The following ARHGAP28 variants were observed in gnomAD, a reference collection of about 807,000 sequenced individuals.
ARHGAP28 encodes rho GTPase-activating protein 28.
A neutral mutation model predicts 90.7 loss-of-function variants in ARHGAP28; 56 were observed. That is an observed-to-expected ratio of 0.62 (90% CI 0.50 to 0.77). ARHGAP28 has a LOEUF of 0.77. ARHGAP28 is among the 30% of genes least tolerant of loss of function. The probability of loss-of-function intolerance (pLI) is 0.00; values close to 1 mark genes in which losing one functional copy is unlikely to be tolerated. For synonymous variants in ARHGAP28, 308 were observed against 323.3 expected (o/e 0.95, Z 0.51); for missense variants, 869 against 900.9 (o/e 0.96, Z 0.45).
In ARHGAP28 at chr18:6,756,957, G is replaced by T. The variant is rs143483862; in HGVS notation, c.122+27014G>T. Among the ~76,000 whole-genome samples, 6 of 152,244 alleles carry T rather than the reference G, an allele frequency of 3.9e-5. No individual in the cohort carries two copies. In the East Asian group the frequency reaches 1.2e-3, roughly 29 times the overall value. On this transcript the variant is annotated intron_variant, in intron 1 of 17. Coordinates refer to ENST00000383472, the MANE Select transcript of ARHGAP28 (RefSeq NM_001366230.1). ...TGGATGGTGCCCACCCACGTTGAGG[G>T]TGGGTCTGCCTCTTTCAGTCCACTG...
At chr18:6,736,124 C>T (rs1042967445) in intron 1 of ARHGAP28, among the ~76,000 whole-genome samples, 5 of 152,150 alleles carry the variant, frequency 3.3e-5, no homozygotes, top group South Asian at 2.1e-4. Flanking sequence ...CTTGTCACTA[C>T]AATTCACTAA....
chr18:6,740,588 T>C (rs1429101017), intron 1 of ARHGAP28, among the ~76,000 whole-genome samples: 2 of 152,202 alleles, frequency 1.3e-5, no homozygotes. Context: ...CTATTCATTT[T>C]AATAAACTTT....
chr18:6,899,122 A>G (rs1318129941), intron 16 of ARHGAP28, among the ~76,000 whole-genome samples: 1 of 152,154 alleles, frequency 6.6e-6, no homozygotes, highest in Admixed American at 6.5e-5. Context: ...TTTCAGTTTA[A>G]GTGTTGTAAA....
At chr18:6,898,534 A>C (rs1030774615) in intron 16 of ARHGAP28, 1 of 1,614,016 alleles carries the variant, frequency 6.2e-7, no homozygotes, top group African/African-American at 1.3e-5. Context: ...AGCCCCAAAC[A>C]TGTATTCCTC....
chr18:6,774,347 T>A (rs903189845), intron 1 of ARHGAP28: 13 of 152,222 alleles, frequency 8.5e-5, no homozygotes, highest in Non-Finnish European at 1.8e-4. Flanking sequence ...ATAGCTTTTT[T>A]AAAATCTATT....
At chr18:6,801,400 C>T (rs775553428) in intron 1 of ARHGAP28, among the ~76,000 whole-genome samples, 9 of 152,136 alleles carry the variant, frequency 5.9e-5, no homozygotes, top group Non-Finnish European at 1.2e-4. Context: ...TGCTTTCTTA[C>T]TATAATTTTA....
intron 2 of ARHGAP28, among the ~76,000 whole-genome samples, chr18:6,834,952 T>C (rs2056742380): frequency 6.6e-6 from 1 of 152,164 alleles, no homozygotes; most frequent in African/African-American, 2.4e-5. Flanking sequence ...GAATATGACA[T>C]ATGAATGACA....
intron 1 of ARHGAP28, among the ~76,000 whole-genome samples, 192 bp from the exon 2 acceptor site, chr18:6,824,570 A>G (rs1240028559): frequency 6.6e-6 from 1 of 152,076 alleles, no homozygotes; most frequent in Non-Finnish European, 1.5e-5. Context: ...AAAATAAATA[A>G]AGTATAGAGA....
Position 6,889,924 on chromosome 18 carries a change from G to A in ARHGAP28, c.1573G>A (p.Glu525Lys). The change falls in exon 13 of 18, where the codon GAA (glutamate) becomes AAA (lysine). Residue 525 changes from glutamate to lysine, a missense_variant. Transcript: ENST00000383472. ...ATTCTTCAATAAAGTGATTGCCAAT[G>A]AATCAAAAAACCGAATGAGTCTGTG... ...MTFFNKVIAN[E>K]SKNRMSLWNI... The A allele has an allele frequency of 6.2e-7, 1 of 1,614,146 alleles. No individual in the cohort carries two copies. Among genetic ancestry groups the A allele is most frequent in the African/African-American group, 1.3e-5 (1 of 75,064 alleles).
At chr18:6,826,120 T>TTG (rs1555629712) in intron 2 of ARHGAP28, among the ~76,000 whole-genome samples, 2 of 151,382 alleles carry the variant, frequency 1.3e-5, no homozygotes, top group African/African-American at 4.9e-5. Context: ...TGCCAGTGTT[T>TTG]TTTTTTTTTT....
chr18:6,806,543 A>G (rs2056520620), intron 1 of ARHGAP28, among the ~76,000 whole-genome samples: 1 of 152,108 alleles, frequency 6.6e-6, no homozygotes, highest in Non-Finnish European at 1.5e-5. Flanking sequence ...TATATATATG[A>G]CAAAAATTTT....
chr18:6,730,614 A>T (rs549527215), intron 1 of ARHGAP28, among the ~76,000 whole-genome samples: 27 of 152,346 alleles, frequency 1.8e-4, no homozygotes, highest in Admixed American at 1.5e-3. Flanking sequence ...TTAATCAAGG[A>T]TCTATGTTAA....
intron 1 of ARHGAP28, among the ~76,000 whole-genome samples, chr18:6,779,602 C>T (rs1011862299): frequency 1.3e-5 from 2 of 152,216 alleles, no homozygotes; most frequent in Non-Finnish European, 2.9e-5. Context: ...CCTTAACAGC[C>T]ATTGTATGAC....
At chr18:6,755,699 C>G (rs4798489) in intron 1 of ARHGAP28, among the ~76,000 whole-genome samples, 59,933 of 152,026 alleles carry the variant, frequency 0.39, 13,689 homozygotes, top group East Asian at 0.55. Flanking sequence ...GCAGGTATAA[C>G]CTGGGGTTTT....
intron 1 of ARHGAP28, among the ~76,000 whole-genome samples, chr18:6,811,825 A>G (rs561123506): frequency 3.5e-4 from 54 of 152,320 alleles, no homozygotes; most frequent in Admixed American, 1.1e-3. Flanking sequence ...AATATTCACA[A>G]TCTTTCCCAT....
At chr18:6,896,371 G>A in intron 15 of ARHGAP28, 131 bp from the exon 16 acceptor site, 1 of 1,065,412 alleles carries the variant, frequency 9.4e-7, no homozygotes, top group Non-Finnish European at 1.3e-6. Flanking sequence ...GTTCCATTCT[G>A]GTTAATGTTG....
Position 6,769,220 on chromosome 18 carries a change from T to C in ARHGAP28, c.122+39277T>C, listed in dbSNP as rs371136867. Reference sequence around the variant, plus strand: ...GTTGGCATCCCAGATAGGAAGGGGGTCTGACAACTGGGAGATTGAGGGGTT... The same window carrying C: ...GTTGGCATCCCAGATAGGAAGGGGGCCTGACAACTGGGAGATTGAGGGGTT... On this transcript the variant is annotated intron_variant, in intron 1 of 17. Transcript: ENST00000383472. Among the ~76,000 whole-genome samples, 9 of 151,072 alleles carry C rather than the reference T, an allele frequency of 6.0e-5. No homozygotes were observed. The East Asian group carries it at 1.7e-3, about 29-fold the overall frequency.
intron 1 of ARHGAP28, among the ~76,000 whole-genome samples, chr18:6,812,193 C>G (rs1307181039): frequency 6.6e-6 from 1 of 152,050 alleles, no homozygotes; most frequent in African/African-American, 2.4e-5. Flanking sequence ...TTCTGGTAAG[C>G]AGAATATGGG....
chr18:6,819,187 A>G lies in ARHGAP28; in HGVS notation c.123-5575A>G, dbSNP rs2056610717. ...ACTTAACAACTAAACTTGTGGTTAC[A>G]CAGAGCAAGCTGTGCATAAACAAAT... On this transcript the variant is annotated intron_variant, in intron 1 of 17. Coordinates refer to ENST00000383472, the MANE Select transcript of ARHGAP28 (RefSeq NM_001366230.1). 2.6e-5 allele frequency among the ~76,000 whole-genome samples: 4 copies of G among 152,376 alleles called. 1 individual carries two copies. The South Asian group carries it at 8.3e-4, about 32-fold the overall frequency.
Sources: gnomAD v4.1 joint callset for allele counts (sites outside exome capture counted in the v4.1 genomes callset) on GRCh38, gnomAD v4.1.1 for gene constraint, MANE v1.5 for transcripts, NCBI Gene and HGNC (gene_info 2026-07-23, HGNC 2026-07-21) for gene names.